Variants in CRISPLD1 observed in about 807,000 individuals in gnomAD.
The protein encoded by CRISPLD1 is cysteine rich secretory protein LCCL domain containing 1.
A neutral mutation model predicts 77.5 loss-of-function variants in CRISPLD1; 60 were observed. The observed-to-expected ratio is 0.77, with a 90% CI of 0.63 to 0.96. CRISPLD1 has a LOEUF of 0.96. Among genes scored for constraint, CRISPLD1 ranks in the 40% least tolerant of loss-of-function variants. CRISPLD1 has a pLI of 0.00. For synonymous variants in CRISPLD1, 195 were observed against 200.1 expected (o/e 0.97, Z 0.22); for missense variants, 623 against 615.8 (o/e 1.01, Z -0.12).
chr8:74,990,190 A>G (rs1040271238), intron 2 of CRISPLD1, among the ~76,000 whole-genome samples: 1 of 152,100 alleles, frequency 6.6e-6, no homozygotes, highest in African/African-American at 2.4e-5. Flanking sequence ...TATATTGTAC[A>G]CTATTTGGGT....
At chr8:75,030,680 A>ATG (rs34737814) in intron 14 of CRISPLD1, among the ~76,000 whole-genome samples, 22,107 of 146,408 alleles carry the variant, frequency 0.15, 1,777 homozygotes, top group African/African-American at 0.22. Context: ...CCGGAGATAT[A>ATG]TGTGTGTGTG....
rs554987511 is a variant in CRISPLD1 at position 75,016,116 on chromosome 8, A to G, written c.728-449A>G. ...GACATGGATTTTGTCATAAATAATA[A>G]GGGCATGTAAATCCTTCTTTAGGCC... On this transcript the variant is annotated intron_variant, in intron 6 of 14. Coordinates refer to ENST00000262207, the MANE Select transcript of CRISPLD1 (RefSeq NM_031461.6). Among the ~76,000 whole-genome samples the G allele has an allele frequency of 2.0e-5, 3 of 152,314 alleles. No homozygotes were observed. In the East Asian group the frequency reaches 5.8e-4, roughly 29 times the overall value.
chr8:74,994,984 G>A (rs918763623), intron 2 of CRISPLD1, among the ~76,000 whole-genome samples: 4 of 152,158 alleles, frequency 2.6e-5, no homozygotes, highest in African/African-American at 7.2e-5. Flanking sequence ...CCAAATGAAT[G>A]TGTCAGGTAT....
chr8:75,016,573 G>GAGAAGGATAATA lies in CRISPLD1; in HGVS notation c.737_738insGAAGGATAATAA (p.Asp246delinsGluLysAspAsnAsn). On this transcript the variant is annotated protein_altering_variant, in exon 7 of 15. Transcript: ENST00000262207. ...TCTGCTTTCTCTAACAGAAGGGTCA[G>GAGAAGGATAATA]ACAGGTATTATCCCCCTCGAGAAGA... The GAGAAGGATAATA allele has an allele frequency of 1.2e-6, 2 of 1,611,622 alleles. No individual in the cohort carries two copies. The highest frequency in any genetic ancestry group is 1.7e-6 in the Non-Finnish European group (2 of 1,178,614).
intron 12 of CRISPLD1, among the ~76,000 whole-genome samples, chr8:75,022,067 TAAAC>T (rs1365435988): frequency 6.6e-6 from 1 of 152,164 alleles, no homozygotes; most frequent in Non-Finnish European, 1.5e-5. Context: ...AAAGCATTAA[TAAAC>T]AAGCTCCCTA....
At chr8:75,012,250 G>A (rs549936253) in intron 2 of CRISPLD1, among the ~76,000 whole-genome samples, 183 bp from the exon 3 acceptor site, 3 of 152,186 alleles carry the variant, frequency 2.0e-5, no homozygotes, top group Admixed American at 1.3e-4. Flanking sequence ...AGGTAGAGAC[G>A]GGGAGATTGA....
chr8:74,987,811 A>G (rs1050072138), intron 2 of CRISPLD1, among the ~76,000 whole-genome samples: 1 of 152,204 alleles, frequency 6.6e-6, no homozygotes, highest in Non-Finnish European at 1.5e-5. Context: ...TGGGAGTTCA[A>G]ACCCACAAAA....
Position 75,019,929 on chromosome 8 carries a change from A to T in CRISPLD1, c.1171+16A>T, listed in dbSNP as rs763195970. 1.9e-6 allele frequency: 3 copies of T among 1,612,724 alleles called. No homozygotes were observed. Among genetic ancestry groups the T allele is most frequent in the Non-Finnish European group, 2.5e-6 (3 of 1,178,732 alleles). ...AAAGTAACAGGTTAGCACATTCTTC[A>T]TCTTATTTTCTTAGTACTGTGTAGT... On this transcript the variant is annotated intron_variant, in intron 11 of 14. Coordinates refer to ENST00000262207, the MANE Select transcript of CRISPLD1 (RefSeq NM_031461.6).
chr8:75,022,512 C>G (rs1482526007), intron 12 of CRISPLD1, among the ~76,000 whole-genome samples: 2 of 150,684 alleles, frequency 1.3e-5, no homozygotes, highest in African/African-American at 2.4e-5. Flanking sequence ...GGCGTGAACC[C>G]GGGAGGCCGA....
In CRISPLD1 at chr8:75,013,992, G is replaced by A; in HGVS notation, c.516G>A (p.Val172=). The A allele has an allele frequency of 6.2e-7, 1 of 1,610,806 alleles. No homozygotes were observed. The highest frequency in any genetic ancestry group is 8.5e-7 in the Non-Finnish European group (1 of 1,177,382). The change falls in exon 5 of 15, where the codon GTG becomes GTA. Residue 172 remains valine (V), a synonymous_variant. Transcript: ENST00000262207. ...GPVCTHYTQV[V]WATSNRIGCA... is the part of the protein sequence containing the mutation. ...CTTTCATTTTTCTAACATAGGTCGT[G>A]TGGGCAACTAGTAACAGAATCGGTT...
chr8:75,018,410 G>T (rs1012981794), intron 10 of CRISPLD1, among the ~76,000 whole-genome samples: 1 of 152,188 alleles, frequency 6.6e-6, no homozygotes, highest in Admixed American at 6.5e-5. Context: ...TCCTGCTTCA[G>T]TCTCCCAAGT....
At chr8:75,012,374 G>T in intron 2 of CRISPLD1, 59 bp from the exon 3 acceptor site, 1 of 959,530 alleles carries the variant, frequency 1.0e-6, no homozygotes, top group Non-Finnish European at 1.7e-6. Context: ...TCAACACTGT[G>T]TTCTGCAGAA....
At chr8:75,005,404 G>T (rs1812811372) in intron 2 of CRISPLD1, among the ~76,000 whole-genome samples, 1 of 135,756 alleles carries the variant, frequency 7.4e-6, no homozygotes, top group African/African-American at 3.3e-5. Context: ...TATAAATTTG[G>T]AAATAATTTA....
chr8:75,006,021 G>C (rs180804207), intron 2 of CRISPLD1, among the ~76,000 whole-genome samples: 1 of 152,080 alleles, frequency 6.6e-6, no homozygotes, highest in East Asian at 1.9e-4. Context: ...CATCCAAATA[G>C]TGAACATTGT....
At chr8:74,992,076 T>C (rs754773997) in intron 2 of CRISPLD1, among the ~76,000 whole-genome samples, 1 of 152,222 alleles carries the variant, frequency 6.6e-6, no homozygotes, top group Non-Finnish European at 1.5e-5. Context: ...TCAGTAAACA[T>C]TCATTGATTG....
At chr8:75,011,295 T>G (rs1322732440) in intron 2 of CRISPLD1, among the ~76,000 whole-genome samples, 15 of 97,342 alleles carry the variant, frequency 1.5e-4, no homozygotes, top group African/African-American at 8.1e-5. Context: ...CCCACAACAG[T>G]CCCCAGAGTG....
chr8:75,031,098 C>T (rs1228963761), intron 14 of CRISPLD1, among the ~76,000 whole-genome samples: 1 of 152,028 alleles, frequency 6.6e-6, no homozygotes, highest in Non-Finnish European at 1.5e-5. Context: ...TCCTAAGGCA[C>T]TCAGTCAGTT....
At chr8:74,995,237 C>T (rs977012156) in intron 2 of CRISPLD1, among the ~76,000 whole-genome samples, 2 of 152,078 alleles carry the variant, frequency 1.3e-5, no homozygotes, top group African/African-American at 2.4e-5. Context: ...AACATGATGA[C>T]CTGGAATTCA....
At chr8:75,027,555 C>A (rs186191491) in intron 13 of CRISPLD1, among the ~76,000 whole-genome samples, 1 of 152,208 alleles carries the variant, frequency 6.6e-6, no homozygotes, top group East Asian at 1.9e-4. Context: ...TATCTTTCTA[C>A]CCTCAGTGAA....
Sources: allele counts gnomAD v4.1 joint callset (sites outside exome capture counted in the v4.1 genomes callset), GRCh38; gene constraint gnomAD v4.1.1; transcripts MANE v1.5; gene names NCBI Gene and HGNC (gene_info 2026-07-23, HGNC 2026-07-21).